The following DTD2 variants were observed in gnomAD, a reference collection of about 807,000 sequenced individuals.
The protein encoded by DTD2 is D-aminoacyl-tRNA deacylase 2, also known as D-tyrosyl-tRNA deacylase 2 (putative).
In DTD2, 12 loss-of-function variants were observed where a neutral mutation model predicts 15.5. The ratio of observed to expected loss-of-function variants is 0.77; its 90% CI spans 0.50 to 1.25. The LOEUF (loss-of-function observed/expected upper bound fraction) is 1.25, where lower values mean the gene tolerates loss of function less well. Among genes scored for constraint, DTD2 ranks in the 50% most tolerant of loss-of-function variants. The pLI is 0.00. For synonymous variants in DTD2, 59 were observed against 77.3 expected, an observed-to-expected ratio of 0.76 and a Z score of 1.24; for missense variants, 170 against 201.1, an observed-to-expected ratio of 0.85 and a Z score of 0.93.
rs2031972105 is a variant in DTD2, at chr14:31,447,367, AAC to A, written c.*760_*761del. The A allele has an allele frequency of 6.6e-6, 1 of 152,208 alleles. No homozygotes were observed. The highest frequency in any genetic ancestry group is 1.5e-5 in the Non-Finnish European group (1 of 68,034). 9.4% of individuals were successfully genotyped at this position (152,208 alleles called of 1,614,324 possible). ...GAAAACTGAAATAGTAAACAAAATT[AAC>A]AAAGTTATAATTGGGTTGTGCTGAA... On this transcript the variant is annotated 3_prime_UTR_variant, in exon 3 of 3. Coordinates refer to ENST00000310850, the MANE Select transcript of DTD2 (RefSeq NM_080664.3).
At chr14:31,451,251 C>T (rs1215871423) in intron 2 of DTD2, among the ~76,000 whole-genome samples, 1 of 151,576 alleles carries the variant, frequency 6.6e-6, no homozygotes. Context: ...GGGCTCATGC[C>T]ATTCTCCTGC....
At position 31,448,151 on chromosome 14, in the gene DTD2, A is replaced by G; in HGVS notation, c.485T>C (p.Phe162Ser). The change falls in exon 3 of 3, where the codon TTC becomes TCC. Residue 162 changes from phenylalanine to serine, a missense_variant. By Grantham distance (155) the Phe-to-Ser change is radical. Transcript: ENST00000310850. The part of the protein sequence containing the change: ...QVLKLDTNGP[F>S]THLIEF ...TTTTCAAAACTCAATTAAGTGTGTG[A>G]ATGGTCCGTTGGTGTCCAGCTTTAA... is the stretch of plus-strand genomic sequence containing the variant. The G allele has an allele frequency of 6.2e-7, 1 of 1,610,368 alleles. No individual in the cohort carries two copies.
intron 2 of DTD2, among the ~76,000 whole-genome samples, chr14:31,450,198 C>T (rs1156307139): frequency 2.0e-5 from 3 of 152,296 alleles, no homozygotes; most frequent in African/African-American, 7.2e-5. Context: ...ATACCTCCCT[C>T]TACTGGCTAT....
In DTD2 at chr14:31,446,153, T is replaced by C. The variant is rs532955371; in HGVS notation, c.*1976A>G. 3.3e-5 allele frequency: 5 copies of C among 152,200 alleles called. No individual in the cohort carries two copies. The South Asian group carries it at 1.0e-3, about 32-fold the overall frequency. 9.4% of individuals were successfully genotyped at this position (152,200 alleles called of 1,614,324 possible). A position where few individuals can be genotyped will look rare whatever the true frequency, so the allele number is the denominator to read the frequency against. On this transcript the variant is annotated 3_prime_UTR_variant, in exon 3 of 3. Coordinates refer to ENST00000310850, the MANE Select transcript of DTD2 (RefSeq NM_080664.3). ...AGTTATTGATTCTCTGGTTCCAAAATAGAACAGTACAGGAAGGGTATAGAG... is the reference window on the plus strand; with the variant it reads ...AGTTATTGATTCTCTGGTTCCAAAACAGAACAGTACAGGAAGGGTATAGAG...
At chr14:31,454,352 T>C (rs543949516) in intron 1 of DTD2, among the ~76,000 whole-genome samples, 86 of 152,376 alleles carry the variant, frequency 5.6e-4, no homozygotes, top group African/African-American at 2.0e-3. Flanking sequence ...TTCAACTATA[T>C]GTTCCAGGCT....
intron 2 of DTD2, 74 bp downstream of exon 2, chr14:31,453,201 C>T (rs2032057844): frequency 6.8e-6 from 10 of 1,461,286 alleles, no homozygotes; most frequent in Admixed American, 6.8e-5. Context: ...GGCCTCCCAA[C>T]GTGTTGGGAT....
chr14:31,446,808 T>C lies in DTD2; in HGVS notation c.*1321A>G, dbSNP rs181087696. The C allele has an allele frequency of 2.0e-4, 30 of 152,344 alleles. No homozygotes were observed. The highest frequency in any genetic ancestry group is 1.8e-3 in the Admixed American group (27 of 15,296). 9.4% of individuals were successfully genotyped at this position (152,344 alleles called of 1,614,324 possible). On this transcript the variant is annotated 3_prime_UTR_variant, in exon 3 of 3. Coordinates refer to ENST00000310850, the MANE Select transcript of DTD2 (RefSeq NM_080664.3). ...ATAATATGGAAATGAACAAGTCAATTTGTTTTCAAACTATTCTTATGGGAA... is the reference window on the plus strand; with the variant it reads ...ATAATATGGAAATGAACAAGTCAATCTGTTTTCAAACTATTCTTATGGGAA...
chr14:31,453,492 G>A (rs1478911101), intron 1 of DTD2, 148 bp from the exon 2 acceptor site: 3 of 612,062 alleles, frequency 4.9e-6, no homozygotes, highest in East Asian at 3.0e-5. Flanking sequence ...TCTCATGTGA[G>A]AAAACAAAAT....
chr14:31,448,052 A>G lies in DTD2; in HGVS notation c.*77T>C, dbSNP rs1049464188. ...AATGCTGAAGATTAGTATATTCAAG[A>G]TTAAGGGGAAGAAAATCTAATTATA... On this transcript the variant is annotated 3_prime_UTR_variant, in exon 3 of 3. Coordinates refer to ENST00000310850, the MANE Select transcript of DTD2 (RefSeq NM_080664.3). The G allele has an allele frequency of 7.8e-7, 1 of 1,285,122 alleles. No individual in the cohort carries two copies. Among genetic ancestry groups the G allele is most frequent in the Non-Finnish European group, 1.1e-6 (1 of 923,676 alleles). 79.6% of individuals were successfully genotyped at this position (1,285,122 alleles called of 1,614,324 possible). A position where few individuals can be genotyped will look rare whatever the true frequency, so the allele number is the denominator to read the frequency against.
chr14:31,449,833 AG>A (rs1200644361), intron 2 of DTD2, among the ~76,000 whole-genome samples: 19 of 152,322 alleles, frequency 1.2e-4, no homozygotes, highest in Admixed American at 1.2e-3. Flanking sequence ...TAATTATTAG[AG>A]GGTCTGTAGT....
rs754588881 is a variant in DTD2 at position 31,448,305 on chromosome 14, C to T, written c.331G>A (p.Gly111Arg). The T allele has an allele frequency of 1.9e-6, 3 of 1,614,088 alleles. No individual in the cohort carries two copies. Among genetic ancestry groups the T allele is most frequent in the Non-Finnish European group, 2.5e-6 (3 of 1,180,028 alleles). ...TAAAGTTCAAACCCTTCTTCTTTTCCAGAGTTAGAGTGATATTGCATGTTT... is the reference window on the plus strand; with the variant it reads ...TAAAGTTCAAACCCTTCTTCTTTTCTAGAGTTAGAGTGATATTGCATGTTT... ...GRNMQYHSNS[G>R]KEEGFELYSQ... The change falls in exon 3 of 3, where the codon GGA (glycine) becomes AGA (arginine). Residue 111 changes from glycine to arginine, a missense_variant. By Grantham distance (125) the Gly-to-Arg change is moderately radical. Transcript: ENST00000310850.
intron 2 of DTD2, among the ~76,000 whole-genome samples, chr14:31,451,293 G>A (rs1362231082): frequency 2.0e-5 from 3 of 151,742 alleles, no homozygotes; most frequent in East Asian, 3.9e-4. Flanking sequence ...GACTACAGGC[G>A]CCCACCACCA....
At chr14:31,453,942 C>G (rs1170728966) in intron 1 of DTD2, among the ~76,000 whole-genome samples, 1 of 152,082 alleles carries the variant, frequency 6.6e-6, no homozygotes, top group African/African-American at 2.4e-5. Flanking sequence ...ATAGTAAATT[C>G]TACATTAAAA....
In DTD2 at chr14:31,448,173, T is replaced by C. The variant is rs1566795837; in HGVS notation, c.463A>G (p.Lys155Glu). 6.2e-7 allele frequency: 1 copy of C among 1,614,116 alleles called. No homozygotes were observed. Among genetic ancestry groups the C allele is most frequent in the South Asian group, 1.1e-5 (1 of 91,048 alleles). ...GTGAATGGTCCGTTGGTGTCCAGCTTTAACACCTGCCTGTTCCCATAAGTG... is the reference window on the plus strand; with the variant it reads ...GTGAATGGTCCGTTGGTGTCCAGCTCTAACACCTGCCTGTTCCCATAAGTG... Reference protein sequence around the residue: ...HGTYGNRQVLKLDTNGPFTHL... With the variant: ...HGTYGNRQVLELDTNGPFTHL... Residue 155 changes from lysine to glutamate, a missense_variant, in exon 3 of 3, where the codon AAG (lysine) becomes GAG (glutamate). Physicochemically the swap from Lys to Glu is moderately conservative, Grantham distance 56 (BLOSUM62 1). Coordinates refer to ENST00000310850, the MANE Select transcript of DTD2 (RefSeq NM_080664.3).
intron 2 of DTD2, chr14:31,452,873 G>T (rs1385277573): frequency 1.3e-5 from 2 of 153,094 alleles, no homozygotes; most frequent in African/African-American, 4.8e-5. Flanking sequence ...AATAAAAGGG[G>T]AGGAAAGAGA....
rs2031987999 is a variant in DTD2, at chr14:31,448,353, G to A, written c.283C>T (p.Leu95Phe). 11 of 1,614,142 alleles carry A rather than the reference G, an allele frequency of 6.8e-6. No individual in the cohort carries two copies. The highest frequency in any genetic ancestry group is 9.3e-6 in the Non-Finnish European group (11 of 1,180,020). Residue 95 changes from leucine to phenylalanine, a missense_variant, in exon 3 of 3, where the codon CTT (leucine) becomes TTT (phenylalanine). By Grantham distance (22) the Leu-to-Phe change is conservative. Transcript: ENST00000310850. ...TTTCTTCCTTTTAGTCTTCCTCCAAGGGTAGCTTGAGGGATAATAAGAATG... is the reference window on the plus strand; with the variant it reads ...TTTCTTCCTTTTAGTCTTCCTCCAAAGGTAGCTTGAGGGATAATAAGAATG... ...GNILIIPQAT[L>F]GGRLKGRNMQ...
chr14:31,448,022 C>G lies in DTD2; in HGVS notation c.*107G>C. On this transcript the variant is annotated 3_prime_UTR_variant, in exon 3 of 3. Transcript: ENST00000310850. Reference sequence around the variant, plus strand: ...TATATGAAACCCAAGATTTTCCTGTCTAAAAATGCTGAAGATTAGTATATT... The same window carrying G: ...TATATGAAACCCAAGATTTTCCTGTGTAAAAATGCTGAAGATTAGTATATT... The G allele has an allele frequency of 9.8e-7, 1 of 1,015,982 alleles. No individual in the cohort carries two copies. The highest frequency in any genetic ancestry group is 2.6e-5 in the Admixed American group (1 of 38,400). The allele number at this position is 1,015,982 out of a possible 1,614,324, so 62.9% of individuals were successfully genotyped here. A position where few individuals can be genotyped will look rare whatever the true frequency, so the allele number is the denominator to read the frequency against.
intron 1 of DTD2, among the ~76,000 whole-genome samples, chr14:31,456,279 G>A (rs1294193589): frequency 1.3e-5 from 2 of 152,234 alleles, no homozygotes; most frequent in Admixed American, 6.5e-5. Flanking sequence ...CCAGCTACTC[G>A]GGAGGCTGAG....
rs2031974841 is a variant in DTD2, at chr14:31,447,557, A to G, written c.*572T>C. 1 of 152,072 alleles carries G rather than the reference A, an allele frequency of 6.6e-6. No homozygotes were observed. The highest frequency in any genetic ancestry group is 1.5e-5 in the Non-Finnish European group (1 of 68,024). 9.4% of individuals were successfully genotyped at this position (152,072 alleles called of 1,614,324 possible). On this transcript the variant is annotated 3_prime_UTR_variant, in exon 3 of 3. Transcript: ENST00000310850. ...ACTAAGAGGCCGGGCACGGTGGCTC[A>G]TGCCTGTAGTCCCAGCACTTTGGGA...
Sources: gnomAD v4.1 joint callset for allele counts (sites outside exome capture counted in the v4.1 genomes callset) on GRCh38, gnomAD v4.1.1 for gene constraint, MANE v1.5 for transcripts, NCBI Gene and HGNC (gene_info 2026-07-23, HGNC 2026-07-21) for gene names.